SMYD4: variants seen among roughly 807,000 people sequenced by gnomAD.
The protein encoded by SMYD4 is protein-lysine N-methyltransferase SMYD4.
A neutral mutation model predicts 72.8 loss-of-function variants in SMYD4; 68 were observed. The ratio of observed to expected loss-of-function variants is 0.93; its 90% CI spans 0.77 to 1.14. The LOEUF is 1.14. SMYD4 is among the 50% of genes most tolerant of loss of function. SMYD4 has a pLI of 0.00. For missense variants in SMYD4, 984 were observed against 1,003.7 expected, an observed-to-expected ratio of 0.98 and a Z score of 0.27; for synonymous variants, 407 against 388.6, an observed-to-expected ratio of 1.05 and a Z score of -0.56.
intron 3 of SMYD4, among the ~76,000 whole-genome samples, chr17:1,810,720 G>T (rs993588657): frequency 1.3e-5 from 2 of 152,230 alleles, no homozygotes; most frequent in Middle Eastern, 3.2e-3. Flanking sequence ...ACGCCCCCCA[G>T]CCTGGGCCTA....
chr17:1,801,116 G>C lies in SMYD4; in HGVS notation c.370-92C>G, dbSNP rs767787629. 25 of 1,224,984 alleles carry C rather than the reference G, an allele frequency of 2.0e-5. 1 individual carries two copies. The highest frequency in any genetic ancestry group is 3.0e-5 in the African/African-American group (2 of 66,268). 75.9% of individuals were successfully genotyped at this position (1,224,984 alleles called of 1,614,324 possible). On this transcript the variant is annotated intron_variant, in intron 4 of 10. Transcript: ENST00000305513. The stretch of plus-strand genomic sequence containing the variant: ...TTCCAAAAATCTACAGGAAAGTTAA[G>C]GATTATTAAAAAATGGAACAATTAC...
intron 5 of SMYD4, among the ~76,000 whole-genome samples, chr17:1,797,952 A>C (rs1411650163): frequency 6.6e-6 from 1 of 151,512 alleles, no homozygotes; most frequent in East Asian, 2.0e-4. Context: ...CAGTGAGCCG[A>C]GATTGTGCCA....
chr17:1,818,090 C>T (rs1910719435), intron 2 of SMYD4, among the ~76,000 whole-genome samples: 1 of 147,804 alleles, frequency 6.8e-6, no homozygotes, highest in Non-Finnish European at 1.5e-5. Flanking sequence ...TAGCTCTTAA[C>T]TTTAGGTCTC....
intron 5 of SMYD4, among the ~76,000 whole-genome samples, chr17:1,798,886 G>C (rs549910211): frequency 1.4e-3 from 202 of 145,566 alleles, no homozygotes; most frequent in Non-Finnish European, 2.4e-3. Context: ...GAAAGAGCAA[G>C]ACTCTGTCTC....
In SMYD4 at chr17:1,784,620, T is replaced by C. The variant is rs1908554381; in HGVS notation, c.1885-159A>G. The C allele has an allele frequency of 8.5e-6, 8 of 938,270 alleles. No homozygotes were observed. The South Asian group carries it at 2.9e-4, about 34-fold the overall frequency. 58.1% of individuals were successfully genotyped at this position (938,270 alleles called of 1,614,324 possible). ...GAAAGTCTGAGCGAATTTTGTTTGA[T>C]GGCGGCAATGGCGGCAATTCTAATG... On this transcript the variant is annotated intron_variant, in intron 7 of 10. Transcript: ENST00000305513.
At position 1,783,411 on chromosome 17, in the gene SMYD4, C is replaced by T. The variant is rs546059022; in HGVS notation, c.2086G>A (p.Ala696Thr). ...CCATCCGCGATCTCTCCCACCACGGCGTGCTCTGCCCACAGGAAGCTCTCG... is the reference window on the plus strand; with the variant it reads ...CCATCCGCGATCTCTCCCACCACGGTGTGCTCTGCCCACAGGAAGCTCTCG... ...DAESFLWAEH[A>T]VVGEIADGLA... Residue 696 changes from alanine (A) to threonine (T), a missense_variant, in exon 9 of 11, where the codon GCC becomes ACC. Transcript: ENST00000305513. The T allele has an allele frequency of 7.4e-6, 12 of 1,612,746 alleles. No individual in the cohort carries two copies. Among genetic ancestry groups the T allele is most frequent in the African/African-American group, 2.7e-5 (2 of 74,902 alleles).
In SMYD4 at chr17:1,805,927, C is replaced by CTT. The variant is rs34177306; in HGVS notation, c.280-1214_280-1213dup. 3.6e-4 allele frequency among the ~76,000 whole-genome samples: 51 copies of CTT among 140,460 alleles called. 1 individual carries two copies. Among genetic ancestry groups the CTT allele is most frequent in the Admixed American group, 7.2e-4 (10 of 13,928 alleles). 92.1% of individuals were successfully genotyped at this position (140,460 alleles called of 152,430 possible). ...GGATAAATTCCAAATACATCAAATT[C>CTT]TTTTTTTTTTTTTTGAGACGGAGTC... On this transcript the variant is annotated intron_variant, in intron 3 of 10. Coordinates refer to ENST00000305513, the MANE Select transcript of SMYD4 (RefSeq NM_052928.3).
chr17:1,782,726 T>A, intron 10 of SMYD4: 1 of 215,572 alleles, frequency 4.6e-6, no homozygotes, highest in Non-Finnish European at 9.1e-6. Context: ...GAAACTCACT[T>A]GAGATCTAAA....
rs759408828 is a variant in SMYD4 at position 1,800,304 on chromosome 17, G to A, written c.1090C>T (p.Arg364Cys). 1.3e-5 allele frequency: 21 copies of A among 1,613,934 alleles called. No individual in the cohort carries two copies. Among genetic ancestry groups the A allele is most frequent in the Non-Finnish European group, 1.7e-5 (20 of 1,180,016 alleles). Reference sequence around the variant, plus strand: ...TCACAAAGCTTCGTTATGATTTTGCGAACATCCTCAAATCCCACCAAAAGA... The same window carrying A: ...TCACAAAGCTTCGTTATGATTTTGCAAACATCCTCAAATCCCACCAAAAGA... ...LTLLVGFEDV[R>C]KIITKLCDKI... Residue 364 changes from arginine to cysteine, a missense_variant, in exon 5 of 11, where the codon CGC (arginine) becomes TGC (cysteine). Arg to Cys is a radical substitution (Grantham distance 180). Coordinates refer to ENST00000305513, the MANE Select transcript of SMYD4 (RefSeq NM_052928.3).
chr17:1,826,264 G>C (rs1019535035), intron 2 of SMYD4, among the ~76,000 whole-genome samples: 6 of 151,964 alleles, frequency 3.9e-5, no homozygotes, highest in African/African-American at 1.4e-4. Flanking sequence ...AGGCCAAGGC[G>C]GGCGGATCAC....
chr17:1,785,838 T>C (rs1010396048), intron 7 of SMYD4, among the ~76,000 whole-genome samples: 7 of 151,066 alleles, frequency 4.6e-5, no homozygotes, highest in African/African-American at 1.7e-4. Context: ...TGACCTTGGG[T>C]CTCCAAGTTT....
chr17:1,797,692 A>G (rs1567773207), intron 5 of SMYD4, among the ~76,000 whole-genome samples: 1 of 152,170 alleles, frequency 6.6e-6, no homozygotes, highest in Non-Finnish European at 1.5e-5. Context: ...GACAGAGAGT[A>G]GCTGATTGAG....
At position 1,824,277 on chromosome 17, in the gene SMYD4, A is replaced by T. The variant is rs1019140755; in HGVS notation, c.134+3584T>A. The stretch of plus-strand genomic sequence containing the variant: ...AGAATCGCTTGAACCCACGAGGCAC[A>T]AGTTGCAGTGAGCTGAGATTGCGCC... On this transcript the variant is annotated intron_variant, in intron 2 of 10. Transcript: ENST00000305513. Among the ~76,000 whole-genome samples the T allele has an allele frequency of 2.0e-5, 3 of 152,322 alleles. No homozygotes were observed. The East Asian group carries it at 5.8e-4, about 29-fold the overall frequency.
intron 2 of SMYD4, among the ~76,000 whole-genome samples, chr17:1,815,328 C>G (rs541067358): frequency 2.6e-5 from 4 of 151,934 alleles, no homozygotes; most frequent in Admixed American, 1.3e-4. Flanking sequence ...TCCCAAAGTG[C>G]TGGGATTACA....
In SMYD4 at chr17:1,784,397, A is replaced by G. The variant is rs778519458; in HGVS notation, c.1949T>C (p.Leu650Pro). The G allele has an allele frequency of 1.9e-6, 3 of 1,614,120 alleles. No individual in the cohort carries two copies. Among genetic ancestry groups the G allele is most frequent in the Non-Finnish European group, 2.5e-6 (3 of 1,180,054 alleles). The change falls in exon 8 of 11, where the codon CTG (leucine) becomes CCG (proline). Residue 650 changes from leucine (L) to proline (P), a missense_variant. Transcript: ENST00000305513. Reference sequence around the variant, plus strand: ...CTGTAGGTCCTGTAACCGAGAGACCAGGTGGTCCCTGCTGACGGCGGATTC... The same window carrying G: ...CTGTAGGTCCTGTAACCGAGAGACCGGGTGGTCCCTGCTGACGGCGGATTC... Reference protein sequence around the residue: ...CAESAVSRDHLVSRLQDLQQQ... With the variant: ...CAESAVSRDHPVSRLQDLQQQ...
At chr17:1,811,735 T>C (rs921637523) in intron 3 of SMYD4, among the ~76,000 whole-genome samples, 1 of 152,144 alleles carries the variant, frequency 6.6e-6, no homozygotes, top group Non-Finnish European at 1.5e-5. Flanking sequence ...GAGACCAGCC[T>C]GGCCAACATG....
At chr17:1,805,374 G>A (rs958473186) in intron 3 of SMYD4, among the ~76,000 whole-genome samples, 1 of 152,134 alleles carries the variant, frequency 6.6e-6, no homozygotes, top group African/African-American at 2.4e-5. Context: ...AGTGAGCTGA[G>A]ATAGTGCCTG....
Position 1,781,302 on chromosome 17 carries a change from A to G in SMYD4, c.2399T>C (p.Val800Ala). 3 of 1,613,378 alleles carry G rather than the reference A, an allele frequency of 1.9e-6. No homozygotes were observed. The highest frequency in any genetic ancestry group is 1.1e-5 in the South Asian group (1 of 91,048). The part of the protein sequence containing the change: ...SCLLDLPPTP[V>A]GPAL The stretch of plus-strand genomic sequence containing the variant: ...CCTGGAACCCTACAATGCAGGCCCT[A>G]CAGGGGTGGGTGGTAAGTCCAACAA... The change falls in exon 11 of 11, where the codon GTA becomes GCA. Residue 800 changes from valine to alanine, a missense_variant. By Grantham distance (64) the Val-to-Ala change is moderately conservative (BLOSUM62 0). Coordinates refer to ENST00000305513, the MANE Select transcript of SMYD4 (RefSeq NM_052928.3).
At chr17:1,824,961 C>T (rs749636085) in intron 2 of SMYD4, among the ~76,000 whole-genome samples, 4 of 152,108 alleles carry the variant, frequency 2.6e-5, no homozygotes, top group Non-Finnish European at 5.9e-5. Context: ...TCCCCCTTTG[C>T]TCAGCACTTC....
Sources: allele counts gnomAD v4.1 joint callset (sites outside exome capture counted in the v4.1 genomes callset), GRCh38; gene constraint gnomAD v4.1.1; transcripts MANE v1.5; gene names NCBI Gene and HGNC (gene_info 2026-07-23, HGNC 2026-07-21).